Variants in VOPP1 observed in about 807,000 individuals in gnomAD.
VOPP1 encodes WW domain binding protein VOPP1.
Under a neutral mutation model 23.5 loss-of-function variants are expected in VOPP1, and 8 were observed. The ratio of observed to expected loss-of-function variants is 0.34; its 90% CI spans 0.20 to 0.61. VOPP1 has a LOEUF of 0.61. VOPP1 is among the 20% of genes least tolerant of loss of function. The pLI is 0.78. For missense variants in VOPP1, 174 were observed against 238.1 expected (o/e 0.73, Z 1.77); for synonymous variants, 83 against 97.3 (o/e 0.85, Z 0.86).
chr7:55,458,639 ATTTTATC>A (rs1791427080), intron 4 of VOPP1, among the ~76,000 whole-genome samples: 1 of 151,896 alleles, frequency 6.6e-6, no homozygotes. Context: ...GATCCGAGGT[ATTTTATC>A]TTTTAATTAT....
chr7:55,454,266 G>C (rs560808843), intron 4 of VOPP1, among the ~76,000 whole-genome samples: 1 of 152,256 alleles, frequency 6.6e-6, no homozygotes, highest in Non-Finnish European at 1.5e-5. Context: ...TCAAATCCCT[G>C]AATAGACCTA....
intron 2 of VOPP1, chr7:55,516,034 G>A: frequency 2.0e-6 from 2 of 985,486 alleles, no homozygotes; most frequent in Non-Finnish European, 2.4e-6. Flanking sequence ...CCAAGCAGAA[G>A]CTCAACTCGA....
At chr7:55,560,221 A>AT (rs1298135332) in intron 1 of VOPP1, among the ~76,000 whole-genome samples, 1 of 151,964 alleles carries the variant, frequency 6.6e-6, no homozygotes, top group Non-Finnish European at 1.5e-5. Context: ...TTTAAGCAAC[A>AT]TTTTTTTTCA....
intron 2 of VOPP1, 49 bp from the exon 3 acceptor site, chr7:55,497,739 C>G (rs148360132): frequency 1.9e-6 from 3 of 1,551,904 alleles, no homozygotes; most frequent in East Asian, 4.5e-5. Context: ...AAGCAGCCAC[C>G]GGACCAGCCA....
intron 1 of VOPP1, among the ~76,000 whole-genome samples, chr7:55,546,278 T>C (rs1230484543): frequency 6.6e-6 from 1 of 152,134 alleles, no homozygotes; most frequent in Non-Finnish European, 1.5e-5. Flanking sequence ...ATCTGACCCA[T>C]GAATGAAGAT....
intron 4 of VOPP1, among the ~76,000 whole-genome samples, chr7:55,438,567 A>G (rs1790888051): frequency 6.6e-6 from 1 of 152,184 alleles, no homozygotes; most frequent in Non-Finnish European, 1.5e-5. Flanking sequence ...GCAGGTGAAT[A>G]AGTGTGGACA....
At chr7:55,435,867 G>C (rs1173120869), downstream of VOPP1, among the ~76,000 whole-genome samples, 2 of 152,232 alleles carry the variant, frequency 1.3e-5, no homozygotes, top group Non-Finnish European at 2.9e-5. Context: ...GCTGTGAGTG[G>C]AATGATGAAA....
At chr7:55,485,996 G>A (rs1793114347) in intron 4 of VOPP1, among the ~76,000 whole-genome samples, 1 of 152,276 alleles carries the variant, frequency 6.6e-6, no homozygotes, top group Non-Finnish European at 1.5e-5. Flanking sequence ...GTCAGACCCA[G>A]AGCTTGCGTG....
At chr7:55,548,837 C>T (rs967233539) in intron 1 of VOPP1, among the ~76,000 whole-genome samples, 27 of 152,216 alleles carry the variant, frequency 1.8e-4, no homozygotes, top group African/African-American at 6.0e-4. Context: ...AGAAAACTGG[C>T]AAGCAACTGG....
intron 4 of VOPP1, among the ~76,000 whole-genome samples, chr7:55,446,029 G>A (rs62457881): frequency 8.6e-5 from 12 of 139,630 alleles, no homozygotes; most frequent in East Asian, 8.3e-4. Context: ...GTCTCGCTCT[G>A]TCGCCCAGCC....
chr7:55,561,767 AC>A, intron 1 of VOPP1: 2 of 480,720 alleles, frequency 4.2e-6, no homozygotes, highest in South Asian at 3.3e-5. Context: ...AAAAAAACAA[AC>A]AAGCAATTAC....
intron 4 of VOPP1, among the ~76,000 whole-genome samples, chr7:55,483,575 T>C (rs1029320148): frequency 2.6e-5 from 4 of 152,146 alleles, no homozygotes; most frequent in Admixed American, 6.5e-5. Context: ...TCGGGTTCCT[T>C]TGCTTAGGTT....
intron 4 of VOPP1, among the ~76,000 whole-genome samples, chr7:55,456,871 C>A (rs979778071): frequency 1.3e-5 from 2 of 152,130 alleles, no homozygotes; most frequent in Non-Finnish European, 2.9e-5. Flanking sequence ...ATGGGTGCAG[C>A]AAACCACCAT....
chr7:55,460,074 TATTAAA>T (rs771788032), intron 4 of VOPP1, among the ~76,000 whole-genome samples: 3 of 152,000 alleles, frequency 2.0e-5, no homozygotes, highest in African/African-American at 7.2e-5. Flanking sequence ...TCTATTTTCA[TATTAAA>T]TATTTAAAAA....
intron 4 of VOPP1, among the ~76,000 whole-genome samples, chr7:55,456,034 A>G (rs1382159527): frequency 1.3e-5 from 2 of 152,222 alleles, no homozygotes; most frequent in African/African-American, 4.8e-5. Flanking sequence ...GAACGGGAGA[A>G]AATTTTTACA....
At chr7:55,535,046 T>C (rs919899555) in intron 1 of VOPP1, among the ~76,000 whole-genome samples, 3 of 152,326 alleles carry the variant, frequency 2.0e-5, no homozygotes, top group East Asian at 3.9e-4. Flanking sequence ...CCAAGACCAC[T>C]GCCACATCCA....
At chr7:55,554,331 G>C (rs535803231) in intron 1 of VOPP1, among the ~76,000 whole-genome samples, 39 of 152,326 alleles carry the variant, frequency 2.6e-4, no homozygotes, top group South Asian at 6.2e-4. Context: ...GGGCACTGAA[G>C]AGCACTGGGA....
Position 55,537,838 on chromosome 7 carries a change from A to C in VOPP1, c.55-16708T>G. 1.2e-5 allele frequency: 8 copies of C among 682,742 alleles called. No individual in the cohort carries two copies. In the East Asian group the frequency reaches 1.2e-4, roughly 10 times the overall value. The allele number at this position is 682,742 out of a possible 1,614,324, so 42.3% of individuals were successfully genotyped here. Reference sequence around the variant, plus strand: ...CTCCAACTTCCACTACTTCAAACCCATGAAAGGGGGAACTGCCCACAAAAG... The same window carrying C: ...CTCCAACTTCCACTACTTCAAACCCCTGAAAGGGGGAACTGCCCACAAAAG... On this transcript the variant is annotated intron_variant, in intron 1 of 4. Transcript: ENST00000285279.
At chr7:55,507,276 T>C (rs1268814151) in intron 2 of VOPP1, among the ~76,000 whole-genome samples, 1 of 152,192 alleles carries the variant, frequency 6.6e-6, no homozygotes, top group Non-Finnish European at 1.5e-5. Flanking sequence ...TCAGGAGATT[T>C]CAGTACACGG....
Sources: gnomAD v4.1 joint callset for allele counts (sites outside exome capture counted in the v4.1 genomes callset) on GRCh38, gnomAD v4.1.1 for gene constraint, MANE v1.5 for transcripts, NCBI Gene and HGNC (gene_info 2026-07-23, HGNC 2026-07-21) for gene names.